The following NADSYN1 variants were observed in gnomAD, a reference collection of about 807,000 sequenced individuals.
NADSYN1 encodes the protein NAD synthetase 1.
A neutral mutation model predicts 99.3 loss-of-function variants in NADSYN1; 80 were observed. The ratio of observed to expected loss-of-function variants is 0.81; its 90% CI spans 0.67 to 0.97. NADSYN1 has a LOEUF of 0.97. Among genes scored for constraint, NADSYN1 ranks in the 50% least tolerant of loss-of-function variants. The pLI is 0.00. For missense variants in NADSYN1, 859 were observed against 948.5 expected, an observed-to-expected ratio of 0.91 and a Z score of 1.24; for synonymous variants, 385 against 372.1, an observed-to-expected ratio of 1.03 and a Z score of -0.40.
chr11:71,500,470 G>A (rs907476670), intron 20 of NADSYN1, among the ~76,000 whole-genome samples: 2 of 152,188 alleles, frequency 1.3e-5, no homozygotes, highest in Non-Finnish European at 2.9e-5. Context: ...TCCCGTGGGT[G>A]GAGCCCAGGG....
intron 2 of NADSYN1, among the ~76,000 whole-genome samples, chr11:71,458,179 G>A (rs1949525448): frequency 1.3e-5 from 2 of 152,328 alleles, no homozygotes; most frequent in Admixed American, 6.5e-5. Context: ...TCCTGATAGA[G>A]AGAGAGTTTT....
chr11:71,497,440 T>C (rs1949827412), intron 18 of NADSYN1, 43 bp from the exon 19 acceptor site: 1 of 1,613,012 alleles, frequency 6.2e-7, no homozygotes. Flanking sequence ...CTCCCCCCGC[T>C]GTGACTTGCT....
chr11:71,472,075 G>C (rs947687466), intron 5 of NADSYN1, among the ~76,000 whole-genome samples: 1 of 152,278 alleles, frequency 6.6e-6, no homozygotes, highest in African/African-American at 2.4e-5. Context: ...AATGCCACAC[G>C]ATTTTTCTGA....
At chr11:71,500,259 T>C (rs1260175987) in intron 20 of NADSYN1, among the ~76,000 whole-genome samples, 1 of 152,202 alleles carries the variant, frequency 6.6e-6, no homozygotes. Flanking sequence ...AAAACCCGCC[T>C]GTGCTGAGCT....
At chr11:71,501,270 G>A (rs752046360) in intron 20 of NADSYN1, 32 bp from the exon 21 acceptor site, 42 of 1,521,764 alleles carry the variant, frequency 2.8e-5, no homozygotes, top group South Asian at 5.1e-5. Context: ...CCGTCTTTGC[G>A]GGGCTGTGGT....
Position 71,464,074 on chromosome 11 carries a change from C to G in NADSYN1, c.339C>G (p.Pro113=), listed in dbSNP as rs528988111. ...FLNRKILLIR[P]KMALANEGNY... ...GCAGGAAGATCCTGCTCATCAGACC[C>G]AAGATGGCCTTGGCCAATGAAGGCA... Residue 113 remains proline (P), a synonymous_variant, in exon 5 of 21, where the codon CCC becomes CCG. Coordinates refer to ENST00000319023, the MANE Select transcript of NADSYN1 (RefSeq NM_018161.5). 1.9e-6 allele frequency: 3 copies of G among 1,612,510 alleles called. No homozygotes were observed. Among genetic ancestry groups the G allele is most frequent in the Non-Finnish European group, 2.5e-6 (3 of 1,179,424 alleles).
chr11:71,482,379 G>C (rs1053231191), intron 13 of NADSYN1, among the ~76,000 whole-genome samples: 1 of 152,224 alleles, frequency 6.6e-6, no homozygotes, highest in Non-Finnish European at 1.5e-5. Context: ...CAGAACAGCG[G>C]TGATGATGCC....
intron 15 of NADSYN1, chr11:71,485,334 C>T: frequency 4.9e-6 from 2 of 408,280 alleles, no homozygotes; most frequent in Admixed American, 8.6e-5. Context: ...GGCAAGGCAC[C>T]ACTGAGCTTG....
chr11:71,488,923 G>A (rs1371903837), intron 16 of NADSYN1, among the ~76,000 whole-genome samples: 1 of 152,206 alleles, frequency 6.6e-6, no homozygotes, highest in Non-Finnish European at 1.5e-5. Flanking sequence ...GTGCAGGACA[G>A]TGGGGATGTT....
chr11:71,474,619 G>T (rs772639491), intron 9 of NADSYN1, 93 bp downstream of exon 9: 1 of 1,559,488 alleles, frequency 6.4e-7, no homozygotes, highest in Non-Finnish European at 8.8e-7. Flanking sequence ...CTTAGTGAGG[G>T]CCCCTGTGGA....
Position 71,501,372 on chromosome 11 carries a change from G to A in NADSYN1, c.*20G>A. The A allele has an allele frequency of 1.3e-6, 2 of 1,592,866 alleles. No individual in the cohort carries two copies. The highest frequency in any genetic ancestry group is 2.3e-5 in the East Asian group (1 of 43,928). On this transcript the variant is annotated 3_prime_UTR_variant, in exon 21 of 21. Transcript: ENST00000319023. ...GACTGAGGCCGGTTCCTTCCTGGAG[G>A]CCTCCTGTCCTCGGGGACCCCAGCA... is the stretch of plus-strand genomic sequence containing the variant.
chr11:71,464,351 A>G (rs1422092605), intron 5 of NADSYN1: 1 of 507,214 alleles, frequency 2.0e-6, no homozygotes, highest in African/African-American at 1.9e-5. Flanking sequence ...CCCCCTCCAC[A>G]GGGTGGGAGC....
chr11:71,459,097 G>A (rs1483558094), intron 3 of NADSYN1: 1 of 169,092 alleles, frequency 5.9e-6, no homozygotes, highest in African/African-American at 2.4e-5. Context: ...TGTCTGTGCT[G>A]TACCCTGCAT....
chr11:71,497,961 T>A (rs76842065), intron 19 of NADSYN1, among the ~76,000 whole-genome samples: 2,622 of 152,300 alleles, frequency 0.017, 28 homozygotes, highest in Non-Finnish European at 0.027. Flanking sequence ...TGGAACCTCC[T>A]GGAAGCCTTG....
At position 71,453,245 on chromosome 11, in the gene NADSYN1, C is replaced by T. The variant is rs898533949; in HGVS notation, c.-52C>T. On this transcript the variant is annotated 5_prime_UTR_variant, in exon 1 of 21. Coordinates refer to ENST00000319023, the MANE Select transcript of NADSYN1 (RefSeq NM_018161.5). ...GTCCCAGCCGCCTACCTCGCTGGGA[C>T]CCTGGTCTTGCTGTCCCCCGCTGGC... is the stretch of plus-strand genomic sequence containing the variant. 41 of 1,542,658 alleles carry T rather than the reference C, an allele frequency of 2.7e-5. 1 individual carries two copies. In the Middle Eastern group the frequency reaches 7.3e-4, roughly 27 times the overall value.
chr11:71,491,809 C>G (rs199757213), intron 17 of NADSYN1, 25 bp from the exon 18 acceptor site: 2 of 1,612,088 alleles, frequency 1.2e-6, no homozygotes, highest in Non-Finnish European at 1.7e-6. Context: ...CTGCACTGAC[C>G]GACCTCTGTG....
chr11:71,461,727 G>A (rs1591122383), intron 3 of NADSYN1, among the ~76,000 whole-genome samples: 1 of 152,086 alleles, frequency 6.6e-6, no homozygotes, highest in Admixed American at 6.6e-5. Flanking sequence ...GCACCCAGTC[G>A]CTACACACTA....
Position 71,490,330 on chromosome 11 carries a change from C to T in NADSYN1, c.1563-515C>T, listed in dbSNP as rs373094087. ...TCAGGCCCACCCTGCAATCCAGCAT[C>T]ACTCCCACATCTCAAGTCCCCAGCT... On this transcript the variant is annotated intron_variant, in intron 16 of 20. Transcript: ENST00000319023. Among the ~76,000 whole-genome samples, 233 of 152,336 alleles carry T rather than the reference C, an allele frequency of 1.5e-3. 2 individuals carry two copies. The highest frequency in any genetic ancestry group is 3.4e-3 in the Middle Eastern group (1 of 294).
chr11:71,475,072 C>T (rs1286495766), intron 9 of NADSYN1: 4 of 164,342 alleles, frequency 2.4e-5, no homozygotes, highest in Non-Finnish European at 2.7e-5. Flanking sequence ...GGGTGGGTGT[C>T]GTTGGTTTGT....
Sources: gnomAD v4.1 joint callset for allele counts (sites outside exome capture counted in the v4.1 genomes callset) on GRCh38, gnomAD v4.1.1 for gene constraint, MANE v1.5 for transcripts, NCBI Gene and HGNC (gene_info 2026-07-23, HGNC 2026-07-21) for gene names.